The following CCDC192 variants were observed in gnomAD, a reference collection of about 807,000 sequenced individuals.
CCDC192 encodes the protein coiled-coil domain containing 192, also known as coiled-coil domain-containing protein 192.
chr5:127,878,263 T>G (rs1005296690), intron 6 of CCDC192, among the ~76,000 whole-genome samples: 1 of 152,206 alleles, frequency 6.6e-6, no homozygotes, highest in Admixed American at 6.5e-5. Context: ...CAGTCCTAGC[T>G]TAGGTTGGGT....
intron 6 of CCDC192, among the ~76,000 whole-genome samples, chr5:127,929,725 G>A (rs1753966508): frequency 6.6e-6 from 1 of 151,998 alleles, no homozygotes; most frequent in Non-Finnish European, 1.5e-5. Flanking sequence ...CTACAACATT[G>A]TTTTGTTTCT....
At chr5:127,723,339 G>C (rs1752132247) in intron 2 of CCDC192, among the ~76,000 whole-genome samples, 1 of 151,892 alleles carries the variant, frequency 6.6e-6, no homozygotes, top group Non-Finnish European at 1.5e-5. Flanking sequence ...TTGTTTGTCA[G>C]TTCTAATAGC....
chr5:127,827,572 G>A (rs997988223), intron 5 of CCDC192, among the ~76,000 whole-genome samples: 11 of 152,172 alleles, frequency 7.2e-5, no homozygotes, highest in Admixed American at 2.6e-4. Context: ...GAACCAATCT[G>A]TTCTTAAATA....
At chr5:127,796,979 C>G (rs767595774) in intron 3 of CCDC192, 124 bp from the exon 4 acceptor site, 3 of 376,240 alleles carry the variant, frequency 8.0e-6, no homozygotes, top group Non-Finnish European at 1.4e-5. Context: ...GAGGAATGCT[C>G]CAGAAGCTAT....
At chr5:127,749,227 C>G (rs1753974012) in intron 2 of CCDC192, among the ~76,000 whole-genome samples, 1 of 151,986 alleles carries the variant, frequency 6.6e-6, no homozygotes, top group East Asian at 1.9e-4. Flanking sequence ...TTTGCCCATT[C>G]AGTAGGATAT....
At chr5:127,796,310 G>C (rs574139572) in intron 3 of CCDC192, among the ~76,000 whole-genome samples, 17 of 152,306 alleles carry the variant, frequency 1.1e-4, no homozygotes, top group African/African-American at 4.1e-4. Context: ...TAATGAAAAA[G>C]AAATGTAGAG....
chr5:127,809,075 A>T (rs1757942794), intron 5 of CCDC192, among the ~76,000 whole-genome samples: 1 of 152,202 alleles, frequency 6.6e-6, no homozygotes, highest in Admixed American at 6.5e-5. Context: ...AAGGGGATAC[A>T]GCCTGTTACT....
chr5:127,880,193 G>A (rs1166231637), intron 6 of CCDC192, among the ~76,000 whole-genome samples: 1 of 151,020 alleles, frequency 6.6e-6, no homozygotes, highest in South Asian at 2.1e-4. Context: ...CAAAGACTTG[G>A]AACCAACCCA....
intron 3 of CCDC192, among the ~76,000 whole-genome samples, chr5:127,757,782 A>ACACACG (rs1554072440): frequency 1.1e-5 from 1 of 93,954 alleles, no homozygotes; most frequent in Non-Finnish European, 2.3e-5. Flanking sequence ...ACACACACAC[A>ACACACG]CACACACACA....
intron 5 of CCDC192, among the ~76,000 whole-genome samples, chr5:127,859,587 A>G (rs1010093538): frequency 6.6e-6 from 1 of 152,162 alleles, no homozygotes; most frequent in African/African-American, 2.4e-5. Flanking sequence ...TAATTTTTAA[A>G]TCTGGGGAAC....
At chr5:127,911,310 G>T (rs1394960387) in intron 6 of CCDC192, among the ~76,000 whole-genome samples, 1 of 152,198 alleles carries the variant, frequency 6.6e-6, no homozygotes, top group African/African-American at 2.4e-5. Context: ...CAGACATGTA[G>T]ACAGGCAAAC....
At chr5:127,717,928 C>CAAAAAAA in intron 2 of CCDC192, among the ~76,000 whole-genome samples, 226 of 97,724 alleles carry the variant, frequency 2.3e-3, no homozygotes, top group Middle Eastern at 0.015. Context: ...TAAAGCTAGA[C>CAAAAAAA]AAAAAAAAAA....
chr5:127,864,664 T>C (rs1326094977), intron 5 of CCDC192, among the ~76,000 whole-genome samples: 1 of 152,200 alleles, frequency 6.6e-6, no homozygotes, highest in Non-Finnish European at 1.5e-5. Flanking sequence ...CTTACTAATA[T>C]CTCCATAGTA....
intron 2 of CCDC192, among the ~76,000 whole-genome samples, chr5:127,733,404 T>C (rs1412873111): frequency 6.6e-6 from 1 of 152,178 alleles, no homozygotes; most frequent in South Asian, 2.1e-4. Flanking sequence ...CCTGGAGTTA[T>C]CATCTCCTCC....
At chr5:127,726,015 A>C (rs1204032053) in intron 2 of CCDC192, among the ~76,000 whole-genome samples, 1 of 152,078 alleles carries the variant, frequency 6.6e-6, no homozygotes, top group Non-Finnish European at 1.5e-5. Context: ...ATAATTGATG[A>C]ATAAGAAAAA....
intron 5 of CCDC192, among the ~76,000 whole-genome samples, chr5:127,798,959 A>G (rs950762277): frequency 6.6e-6 from 1 of 152,054 alleles, no homozygotes; most frequent in Non-Finnish European, 1.5e-5. Context: ...ATGACCATAA[A>G]TCTGTCACCC....
At chr5:127,822,810 A>C (rs1292554189) in intron 5 of CCDC192, among the ~76,000 whole-genome samples, 5 of 152,180 alleles carry the variant, frequency 3.3e-5, no homozygotes, top group African/African-American at 1.2e-4. Flanking sequence ...ATGGCCCTCA[A>C]GCGTGAAGTG....
chr5:127,770,502 T>C (rs1462918657), intron 3 of CCDC192, among the ~76,000 whole-genome samples: 3 of 152,240 alleles, frequency 2.0e-5, no homozygotes, highest in Admixed American at 6.5e-5. Context: ...GAGGCCTTTC[T>C]ATCTCTTGAC....
chr5:127,782,348 G>T (rs1228917641), intron 3 of CCDC192, among the ~76,000 whole-genome samples: 1 of 151,884 alleles, frequency 6.6e-6, no homozygotes, highest in Non-Finnish European at 1.5e-5. Context: ...CTTAGGGAGG[G>T]TTTCCTCTTT....
Sources: gnomAD v4.1 joint callset for allele counts (sites outside exome capture counted in the v4.1 genomes callset) on GRCh38, gnomAD v4.1.1 for gene constraint, MANE v1.5 for transcripts, NCBI Gene and HGNC (gene_info 2026-07-23, HGNC 2026-07-21) for gene names.